Variants in PTGR1 observed in about 807,000 individuals in gnomAD.
PTGR1 encodes 15-oxoprostaglandin 13-reductase.
Under a neutral mutation model 37.7 loss-of-function variants are expected in PTGR1, and 23 were observed. The observed-to-expected ratio is 0.61, with a 90% confidence interval of 0.44 to 0.86. The LOEUF (loss-of-function observed/expected upper bound fraction) is 0.86, where lower values mean the gene tolerates loss of function less well. Among genes scored for constraint, PTGR1 ranks in the 40% least tolerant of loss-of-function variants. The pLI, the probability that PTGR1 is intolerant of heterozygous loss-of-function variation, is 0.00. For missense variants in PTGR1, 351 were observed against 394.3 expected, an observed-to-expected ratio of 0.89 and a Z score of 0.93; for synonymous variants, 134 against 140.0, an observed-to-expected ratio of 0.96 and a Z score of 0.30.
chr9:111,598,223 AGAT>A (rs1256733501), intron 1 of PTGR1, among the ~76,000 whole-genome samples: 2 of 152,208 alleles, frequency 1.3e-5, no homozygotes, highest in African/African-American at 2.4e-5. Flanking sequence ...AAGCAAGGGA[AGAT>A]GATGAAGGCT....
chr9:111,592,915 G>A lies in PTGR1; in HGVS notation c.209+11C>T. On this transcript the variant is annotated intron_variant, in intron 4 of 9. Coordinates refer to ENST00000407693, the MANE Select transcript of PTGR1 (RefSeq NM_001146108.2). ...TATTTTCCAAGCACTGGGACAAATGGAAATAATTACTTGGCCACTTGCTGC... is the reference window on the plus strand; with the variant it reads ...TATTTTCCAAGCACTGGGACAAATGAAAATAATTACTTGGCCACTTGCTGC... 1 of 1,405,640 alleles carries A rather than the reference G, an allele frequency of 7.1e-7. No individual in the cohort carries two copies. The allele number at this position is 1,405,640 out of a possible 1,614,324, so 87.1% of individuals were successfully genotyped here. A position where few individuals can be genotyped will look rare whatever the true frequency, so the allele number is the denominator to read the frequency against.
intron 9 of PTGR1, among the ~76,000 whole-genome samples, chr9:111,552,233 T>C (rs1009792248): frequency 2.6e-5 from 4 of 152,238 alleles, no homozygotes; most frequent in African/African-American, 9.6e-5. Context: ...AAAATTCTTT[T>C]GTAAGTCATC....
At chr9:111,579,670 C>T (rs1829213980) in intron 6 of PTGR1, among the ~76,000 whole-genome samples, 1 of 152,082 alleles carries the variant, frequency 6.6e-6, no homozygotes, top group Non-Finnish European at 1.5e-5. Flanking sequence ...AGTGCCCAGG[C>T]TGATCTTGAA....
chr9:111,556,342 T>C (rs546753421), intron 9 of PTGR1, among the ~76,000 whole-genome samples: 4 of 152,380 alleles, frequency 2.6e-5, no homozygotes, highest in South Asian at 2.1e-4. Flanking sequence ...TCCAGGTGCA[T>C]GGCACAAGCT....
chr9:111,586,580 G>C (rs10817191), intron 4 of PTGR1, among the ~76,000 whole-genome samples: 69,045 of 151,656 alleles, frequency 0.46, 16,031 homozygotes, highest in African/African-American at 0.54. Context: ...GCATGCTCAA[G>C]TCTGCCATCT....
chr9:111,563,943 T>TA (rs1317429582), intron 9 of PTGR1: 1 of 154,216 alleles, frequency 6.5e-6, no homozygotes, highest in Admixed American at 6.5e-5. Flanking sequence ...TCAGGAAATA[T>TA]AAATGGCAGG....
chr9:111,573,589 G>C (rs1241123762), intron 8 of PTGR1, among the ~76,000 whole-genome samples: 1 of 152,000 alleles, frequency 6.6e-6, no homozygotes, highest in African/African-American at 2.4e-5. Context: ...TTTTGGGGGG[G>C]GACCATAGGT....
Position 111,599,584 on chromosome 9 carries a change from AAGC to A in PTGR1, c.-11+16_-11+18del, listed in dbSNP as rs1222876057. ...AGGAGGGAGAAAAGGGAAGGAAAGAAAGCAGGAGGTCTACTTACAGGAGCCCGA... is the reference window on the plus strand; with the variant it reads ...AGGAGGGAGAAAAGGGAAGGAAAGAAAGGAGGTCTACTTACAGGAGCCCGA... On this transcript the variant is annotated intron_variant, in intron 1 of 9. Coordinates refer to ENST00000407693, the MANE Select transcript of PTGR1 (RefSeq NM_001146108.2). 8 of 152,824 alleles carry A rather than the reference AAGC, an allele frequency of 5.2e-5. No individual in the cohort carries two copies. The highest frequency in any genetic ancestry group is 1.9e-4 in the African/African-American group (8 of 41,578). The allele number at this position is 152,824 out of a possible 1,614,324, so 9.5% of individuals were successfully genotyped here.
At chr9:111,586,902 C>A (rs1263941544) in intron 4 of PTGR1, among the ~76,000 whole-genome samples, 1 of 151,528 alleles carries the variant, frequency 6.6e-6, no homozygotes, top group Non-Finnish European at 1.5e-5. Context: ...CTCACTGCAA[C>A]CTTCACTTCC....
At position 111,571,012 on chromosome 9, in the gene PTGR1, C is replaced by CCACAGT. The variant is rs1234595723; in HGVS notation, c.761-804_761-803insACTGTG. Among the ~76,000 whole-genome samples, 7 of 134,206 alleles carry CCACAGT rather than the reference C, an allele frequency of 5.2e-5. No homozygotes were observed. The Admixed American group carries it at 5.6e-4, about 11-fold the overall frequency. The allele number at this position is 134,206 out of a possible 152,430, so 88.0% of individuals were successfully genotyped here. On this transcript the variant is annotated intron_variant, in intron 8 of 9. Transcript: ENST00000407693. ...GGGGCCACATGCCAAGAAATACAGG[C>CCACAGT]AGCTGCTAGAAGCTTGAAAAGGCAA...
chr9:111,582,064 C>T (rs971811730), intron 6 of PTGR1, among the ~76,000 whole-genome samples: 1 of 151,738 alleles, frequency 6.6e-6, no homozygotes, highest in Non-Finnish European at 1.5e-5. Flanking sequence ...AACTTAGGTT[C>T]TCAGTAATTA....
intron 4 of PTGR1, among the ~76,000 whole-genome samples, chr9:111,589,759 C>T (rs527328725): frequency 2.0e-5 from 3 of 151,782 alleles, no homozygotes; most frequent in Admixed American, 2.0e-4. Context: ...CTCAGCTTCC[C>T]AAGTAGCTGG....
At chr9:111,554,219 G>C (rs1828054081) in intron 9 of PTGR1, among the ~76,000 whole-genome samples, 1 of 152,176 alleles carries the variant, frequency 6.6e-6, no homozygotes, top group Admixed American at 6.5e-5. Context: ...TAGTTAATGG[G>C]TTTTTTGTTT....
intron 6 of PTGR1, 59 bp from the exon 7 acceptor site, chr9:111,579,010 C>T: frequency 6.7e-7 from 1 of 1,502,266 alleles, no homozygotes; most frequent in Non-Finnish European, 8.9e-7. Flanking sequence ...TGGACCAACA[C>T]TACTTTCCTG....
At chr9:111,556,743 C>G (rs1202370862) in intron 9 of PTGR1, among the ~76,000 whole-genome samples, 1 of 152,188 alleles carries the variant, frequency 6.6e-6, no homozygotes, top group Non-Finnish European at 1.5e-5. Flanking sequence ...AAGTGTGTAG[C>G]ATTTCCCCCT....
chr9:111,594,513 C>T lies in PTGR1; in HGVS notation c.107-246G>A, dbSNP rs562327985. Among the ~76,000 whole-genome samples, 256 of 150,398 alleles carry T rather than the reference C, an allele frequency of 1.7e-3. 1 individual carries two copies. The highest frequency in any genetic ancestry group is 5.9e-3 in the African/African-American group (240 of 41,002). ...CTAACATAAATGTTGAAGAAAAAAA[C>T]GGAACTCAAGGCCTGATGCCTTCGT... On this transcript the variant is annotated intron_variant, in intron 2 of 9. Transcript: ENST00000407693.
At chr9:111,588,196 A>AT (rs71302619) in intron 4 of PTGR1, among the ~76,000 whole-genome samples, 38,500 of 126,770 alleles carry the variant, frequency 0.3, 6,537 homozygotes, top group African/African-American at 0.36. Flanking sequence ...CATCCAGCTA[A>AT]TTTTTTTTTT....
chr9:111,561,131 A>AG, downstream of PTGR1, among the ~76,000 whole-genome samples: 1 of 58,966 alleles, frequency 1.7e-5, no homozygotes, highest in Non-Finnish European at 3.2e-5. Context: ...AGAGAGAGAG[A>AG]GAGAGAGGAG....
intron 4 of PTGR1, among the ~76,000 whole-genome samples, chr9:111,588,291 G>A (rs541293558): frequency 1.2e-4 from 18 of 149,288 alleles, no homozygotes; most frequent in South Asian, 1.1e-3. Flanking sequence ...CCGCCTCCCC[G>A]GTTCACACCA....
Sources: allele counts gnomAD v4.1 joint callset (sites outside exome capture counted in the v4.1 genomes callset), GRCh38; gene constraint gnomAD v4.1.1; transcripts MANE v1.5; gene names NCBI Gene and HGNC (gene_info 2026-07-23, HGNC 2026-07-21).